EEPD1: variants seen among roughly 807,000 people sequenced by gnomAD.
EEPD1 encodes the protein endonuclease/exonuclease/phosphatase family domain-containing protein 1.
A neutral mutation model predicts 46.3 loss-of-function variants in EEPD1; 17 were observed. That is an observed-to-expected ratio of 0.37 (90% CI 0.25 to 0.55). The LOEUF (loss-of-function observed/expected upper bound fraction) is 0.55. EEPD1 is among the 20% of genes least tolerant of loss of function. EEPD1 has a pLI of 0.83. For synonymous variants in EEPD1, 313 were observed against 315.6 expected, an observed-to-expected ratio of 0.99 and a Z score of 0.09; for missense variants, 673 against 745.6, an observed-to-expected ratio of 0.90 and a Z score of 1.13.
At chr7:36,171,740 T>A (rs1372158469) in intron 2 of EEPD1, among the ~76,000 whole-genome samples, 1 of 152,252 alleles carries the variant, frequency 6.6e-6, no homozygotes, top group African/African-American at 2.4e-5. Context: ...TACCTATATA[T>A]ACAGTTGGCC....
intron 2 of EEPD1, among the ~76,000 whole-genome samples, chr7:36,206,811 G>A (rs1011824775): frequency 3.0e-4 from 45 of 152,208 alleles, no homozygotes; most frequent in African/African-American, 1.1e-3. Context: ...CACTTTGGGA[G>A]GCTGAGGCAG....
intron 2 of EEPD1, among the ~76,000 whole-genome samples, chr7:36,220,988 T>C (rs1203801184): frequency 6.6e-6 from 1 of 152,152 alleles, no homozygotes; most frequent in Non-Finnish European, 1.5e-5. Flanking sequence ...TTTTGTATTT[T>C]ATTAGAGACA....
chr7:36,173,707 G>A (rs767524401), intron 2 of EEPD1, among the ~76,000 whole-genome samples: 15 of 152,156 alleles, frequency 9.9e-5, no homozygotes, highest in Non-Finnish European at 1.6e-4. Context: ...AACCAATACA[G>A]TCACAGAACT....
At chr7:36,206,002 C>G (rs1028474813) in intron 2 of EEPD1, among the ~76,000 whole-genome samples, 3 of 152,188 alleles carry the variant, frequency 2.0e-5, no homozygotes, top group African/African-American at 7.2e-5. Flanking sequence ...ATTCACACAC[C>G]GGCCCTGTGT....
intron 2 of EEPD1, among the ~76,000 whole-genome samples, chr7:36,201,107 C>T (rs143943047): frequency 2.1e-4 from 32 of 152,216 alleles, no homozygotes; most frequent in African/African-American, 6.7e-4. Flanking sequence ...ACAACCAACA[C>T]GCCAAATCTG....
At chr7:36,241,131 T>C (rs1454397957) in intron 3 of EEPD1, among the ~76,000 whole-genome samples, 1 of 152,098 alleles carries the variant, frequency 6.6e-6, no homozygotes, top group African/African-American at 2.4e-5. Context: ...CCTCAAAAAA[T>C]TGTCATCTTA....
At position 36,175,291 on chromosome 7, in the gene EEPD1, C is replaced by T. The variant is rs147871400; in HGVS notation, c.878+20089C>T. Among the ~76,000 whole-genome samples, 156 of 152,328 alleles carry T rather than the reference C, an allele frequency of 1.0e-3. 3 individuals are homozygous for T. The South Asian group carries it at 0.011, about 11-fold the overall frequency. On this transcript the variant is annotated intron_variant, in intron 2 of 7. Coordinates refer to ENST00000242108, the MANE Select transcript of EEPD1 (RefSeq NM_030636.3). ...GTGCTTTGCAGCAGGTCTGCCATGG[C>T]GTGATCATAGCTCACTGCGGCCTCG...
At chr7:36,279,384 C>A (rs1213240572) in intron 3 of EEPD1, among the ~76,000 whole-genome samples, 1 of 152,338 alleles carries the variant, frequency 6.6e-6, no homozygotes, top group South Asian at 2.1e-4. Flanking sequence ...CAGCACTCTC[C>A]CTCCCCTTGC....
At chr7:36,232,398 G>C (rs565672253) in intron 2 of EEPD1, among the ~76,000 whole-genome samples, 1 of 151,664 alleles carries the variant, frequency 6.6e-6, no homozygotes, top group Non-Finnish European at 1.5e-5. Flanking sequence ...AAGAGACGGG[G>C]TTTCACTGTG....
At chr7:36,155,817 C>T (rs1784816019) in intron 2 of EEPD1, among the ~76,000 whole-genome samples, 2 of 152,102 alleles carry the variant, frequency 1.3e-5, no homozygotes, top group South Asian at 4.2e-4. Flanking sequence ...AGCAAGCTGA[C>T]GTGTGTGTGT....
intron 2 of EEPD1, among the ~76,000 whole-genome samples, chr7:36,213,412 T>G (rs1785970637): frequency 6.6e-6 from 1 of 152,090 alleles, no homozygotes; most frequent in African/African-American, 2.4e-5. Context: ...ATGTTGAGTT[T>G]GAAGTTCCTG....
At chr7:36,236,192 C>A (rs1786435159) in intron 2 of EEPD1, among the ~76,000 whole-genome samples, 1 of 152,246 alleles carries the variant, frequency 6.6e-6, no homozygotes, top group Non-Finnish European at 1.5e-5. Flanking sequence ...GCTCTGGCCG[C>A]GCTCAAGGAG....
rs566612978 is a variant in EEPD1 at position 36,300,037 on chromosome 7, A to C, written c.*831A>C. ...CTTTTGCCTGGAGCACTATTTGTTT[A>C]GTTCTCTTTGCAGGACAAGAATTCT... On this transcript the variant is annotated 3_prime_UTR_variant, in exon 8 of 8. Transcript: ENST00000242108. The C allele has an allele frequency of 1.3e-5, 2 of 152,370 alleles. No homozygotes were observed. Among genetic ancestry groups the C allele is most frequent in the Admixed American group, 6.5e-5 (1 of 15,300 alleles). 9.4% of individuals were successfully genotyped at this position (152,370 alleles called of 1,614,324 possible). A position where few individuals can be genotyped will look rare whatever the true frequency, so the allele number is the denominator to read the frequency against.
chr7:36,244,714 T>C (rs1000462920), intron 3 of EEPD1, among the ~76,000 whole-genome samples: 2 of 151,698 alleles, frequency 1.3e-5, no homozygotes, highest in Admixed American at 1.3e-4. Context: ...GTGAAACTGC[T>C]CTCTGTGATT....
chr7:36,198,658 A>G (rs75335828), intron 2 of EEPD1, among the ~76,000 whole-genome samples: 2,051 of 152,320 alleles, frequency 0.013, 41 homozygotes, highest in African/African-American at 0.046. Flanking sequence ...TTCCCTGAAA[A>G]TCGAAAGTTT....
intron 3 of EEPD1, among the ~76,000 whole-genome samples, chr7:36,269,467 A>G (rs1390766844): frequency 6.6e-6 from 1 of 152,168 alleles, no homozygotes; most frequent in African/African-American, 2.4e-5. Flanking sequence ...TAGCCTGGGC[A>G]ACATAGCAAG....
At chr7:36,235,584 T>C (rs565031849) in intron 2 of EEPD1, among the ~76,000 whole-genome samples, 2 of 152,258 alleles carry the variant, frequency 1.3e-5, no homozygotes, top group Non-Finnish European at 2.9e-5. Context: ...TGGCTGTGAG[T>C]GCCTTCCAGG....
chr7:36,198,358 AG>A (rs376952394), intron 2 of EEPD1, among the ~76,000 whole-genome samples: 33 of 105,522 alleles, frequency 3.1e-4, no homozygotes, highest in Middle Eastern at 5.4e-3. Context: ...AAAAAAAAAA[AG>A]AAAGATATTT....
intron 2 of EEPD1, among the ~76,000 whole-genome samples, chr7:36,185,861 T>C (rs10227634): frequency 0.049 from 7,433 of 152,318 alleles, 188 homozygotes; most frequent in Middle Eastern, 0.061. Context: ...GTTTCTTTTA[T>C]GCTCAATAGA....
Sources: gnomAD v4.1 joint callset for allele counts (sites outside exome capture counted in the v4.1 genomes callset) on GRCh38, gnomAD v4.1.1 for gene constraint, MANE v1.5 for transcripts, NCBI Gene and HGNC (gene_info 2026-07-23, HGNC 2026-07-21) for gene names.